POU2F1: variants seen among roughly 807,000 people sequenced by gnomAD.
POU2F1 encodes POU domain, class 2, transcription factor 1.
Under a neutral mutation model 84.9 loss-of-function variants are expected in POU2F1, and 16 were observed. That is an observed-to-expected ratio of 0.19 (90% confidence interval 0.13 to 0.29). The LOEUF (loss-of-function observed/expected upper bound fraction) is 0.29. POU2F1 is among the 10% of genes least tolerant of loss of function. The pLI, the probability that POU2F1 is intolerant of heterozygous loss-of-function variation, is 1.00. For missense variants in POU2F1, 738 were observed against 942.6 expected, an observed-to-expected ratio of 0.78 and a Z score of 2.84; for synonymous variants, 368 against 368.3, an observed-to-expected ratio of 1.00 and a Z score of 0.01.
chr1:167,325,675 A>T (rs1192512356), intron 1 of POU2F1, among the ~76,000 whole-genome samples: 1 of 152,088 alleles, frequency 6.6e-6, no homozygotes, highest in East Asian at 1.9e-4. Flanking sequence ...GCGAATCACG[A>T]GGTCAGGAGT....
In POU2F1 at chr1:167,399,258, G is replaced by A; in HGVS notation, c.1342G>A (p.Val448Ile). 1 of 1,614,014 alleles carries A rather than the reference G, an allele frequency of 6.2e-7. No homozygotes were observed. Among genetic ancestry groups the A allele is most frequent in the Non-Finnish European group, 8.5e-7 (1 of 1,179,960 alleles). ...CAATATGGAAAAAGAGGTGATTCGTGTTTGGTTCTGTAACCGCCGCCAGAA... is the reference window on the plus strand; with the variant it reads ...CAATATGGAAAAAGAGGTGATTCGTATTTGGTTCTGTAACCGCCGCCAGAA... ...QLNMEKEVIRVWFCNRRQKEK... is the reference protein window; with the variant it reads ...QLNMEKEVIRIWFCNRRQKEK... Residue 448 changes from valine to isoleucine, a missense_variant, in exon 12 of 16, where the codon GTT becomes ATT. Physicochemically the swap from Val to Ile is conservative, Grantham distance 29. This residue lies in a region of POU2F1 where 95 missense variants were observed against 195.1 expected (regional missense o/e 0.49). Coordinates refer to ENST00000367866, the MANE Select transcript of POU2F1 (RefSeq NM_002697.4).
Position 167,417,289 on chromosome 1 carries a change from C to G in POU2F1, c.*1479C>G, listed in dbSNP as rs1650373777. ...AGAAGGACTTTGAGCAGGAACTTTG[C>G]ACACACCTTAAGTGTCTCCTTGGTT... is the stretch of plus-strand genomic sequence containing the variant. On this transcript the variant is annotated 3_prime_UTR_variant, in exon 16 of 16. Transcript: ENST00000367866. 6.6e-6 allele frequency: 1 copy of G among 152,214 alleles called. No homozygotes were observed. The highest frequency in any genetic ancestry group is 1.5e-5 in the Non-Finnish European group (1 of 68,036). The allele number at this position is 152,214 out of a possible 1,614,324, so 9.4% of individuals were successfully genotyped here.
At chr1:167,221,138 G>A (rs1366301010) in intron 1 of POU2F1, among the ~76,000 whole-genome samples, 180 bp downstream of exon 1, 1 of 151,456 alleles carries the variant, frequency 6.6e-6, no homozygotes, top group Non-Finnish European at 1.5e-5. Context: ...AAAGAGGCTC[G>A]GAGCGGCCAG....
At position 167,374,259 on chromosome 1, in the gene POU2F1, C is replaced by T. The variant is rs1273176125; in HGVS notation, c.554C>T (p.Thr185Met). ...TCCGCCTCTGCTGCCACGCCCATGA[C>T]GCAGATCCCCCTGTCTCAGCCCATA... ...TISASAATPMTQIPLSQPIQI... is the reference protein window; with the variant it reads ...TISASAATPMMQIPLSQPIQI... The change falls in exon 6 of 16, where the codon ACG (threonine) becomes ATG (methionine). Residue 185 changes from threonine (T) to methionine (M), a missense_variant. Physicochemically the swap from Thr to Met is moderately conservative, Grantham distance 81 (BLOSUM62 -1). Coordinates refer to ENST00000367866, the MANE Select transcript of POU2F1 (RefSeq NM_002697.4). 4.3e-6 allele frequency: 7 copies of T among 1,613,102 alleles called. No individual in the cohort carries two copies. Among genetic ancestry groups the T allele is most frequent in the South Asian group, 1.1e-5 (1 of 90,978 alleles).
rs1263316922 is a variant in POU2F1, at chr1:167,418,282, A to G, written c.*2472A>G. ...TATCCTCTGGGCAGACATTAACTTGATGTTTAACTAGTTTATTAGGTTGGT... is the reference window on the plus strand; with the variant it reads ...TATCCTCTGGGCAGACATTAACTTGGTGTTTAACTAGTTTATTAGGTTGGT... On this transcript the variant is annotated 3_prime_UTR_variant, in exon 16 of 16. Transcript: ENST00000367866. 2.0e-5 allele frequency: 3 copies of G among 152,208 alleles called. No individual in the cohort carries two copies. The highest frequency in any genetic ancestry group is 4.4e-5 in the Non-Finnish European group (3 of 68,034). 9.4% of individuals were successfully genotyped at this position (152,208 alleles called of 1,614,324 possible).
chr1:167,272,772 G>A (rs1249443136), intron 1 of POU2F1, among the ~76,000 whole-genome samples: 1 of 152,088 alleles, frequency 6.6e-6, no homozygotes, highest in African/African-American at 2.4e-5. Flanking sequence ...AGATTTGGGT[G>A]GGGACACAAA....
rs1218354445 is a variant in POU2F1, at chr1:167,332,553, T to C, written c.127+18T>C. The stretch of plus-strand genomic sequence containing the variant: ...CAACACAGGTAAGAGTTTTCTGATC[T>C]AGCTTTTTAATTAACTCTAGTAGAG... On this transcript the variant is annotated intron_variant, in intron 2 of 15. Coordinates refer to ENST00000367866, the MANE Select transcript of POU2F1 (RefSeq NM_002697.4). The C allele has an allele frequency of 6.4e-7, 1 of 1,572,486 alleles. No individual in the cohort carries two copies. The highest frequency in any genetic ancestry group is 8.8e-7 in the Non-Finnish European group (1 of 1,142,692).
chr1:167,383,056 T>C lies in POU2F1; in HGVS notation c.719-801T>C, dbSNP rs75669213. On this transcript the variant is annotated intron_variant, in intron 7 of 15. Transcript: ENST00000367866. ...CAAAAGAAAATGGTAAAATCCCTTT[T>C]GTTTGGTGTGCTTTGTCGAATACTT... is the stretch of plus-strand genomic sequence containing the variant. Among the ~76,000 whole-genome samples, 331 of 152,338 alleles carry C rather than the reference T, an allele frequency of 2.2e-3. 9 individuals carry two copies. The East Asian group carries it at 0.059, about 27-fold the overall frequency.
chr1:167,385,038 A>G (rs1647859945), intron 8 of POU2F1, among the ~76,000 whole-genome samples: 1 of 152,138 alleles, frequency 6.6e-6, no homozygotes, highest in South Asian at 2.1e-4. Flanking sequence ...AATCATTTAC[A>G]TTTCTATACA....
At chr1:167,237,233 A>T (rs1364066658) in intron 1 of POU2F1, among the ~76,000 whole-genome samples, 19 of 152,230 alleles carry the variant, frequency 1.2e-4, no homozygotes, top group Admixed American at 1.2e-3. Context: ...GAGGCTATCT[A>T]ACGAGAACAT....
chr1:167,271,786 A>G (rs1424641679), intron 1 of POU2F1, among the ~76,000 whole-genome samples: 3 of 152,234 alleles, frequency 2.0e-5, no homozygotes, highest in Non-Finnish European at 4.4e-5. Context: ...ATTGGAAATA[A>G]TGTAGGAATA....
intron 2 of POU2F1, among the ~76,000 whole-genome samples, chr1:167,339,821 A>G (rs997019748): frequency 1.3e-5 from 2 of 152,252 alleles, no homozygotes; most frequent in Non-Finnish European, 2.9e-5. Flanking sequence ...AATTTACTAT[A>G]AAGTAGTAAT....
intron 1 of POU2F1, among the ~76,000 whole-genome samples, chr1:167,232,358 G>A (rs771826289): frequency 6.6e-6 from 1 of 152,080 alleles, no homozygotes; most frequent in African/African-American, 2.4e-5. Flanking sequence ...GACCCTGTGT[G>A]GGCCTAGGCT....
chr1:167,311,990 G>A (rs1429172433), intron 1 of POU2F1, among the ~76,000 whole-genome samples: 2 of 151,480 alleles, frequency 1.3e-5, no homozygotes, highest in African/African-American at 4.9e-5. Flanking sequence ...TGTTTCCCAG[G>A]CTGGCGCACT....
intron 15 of POU2F1, chr1:167,414,459 A>G: frequency 1.0e-6 from 1 of 985,432 alleles, no homozygotes; most frequent in Non-Finnish European, 1.2e-6. Context: ...CTTCAGCTAT[A>G]TTTTATGTAA....
At chr1:167,246,055 A>G (rs1650296523) in intron 1 of POU2F1, among the ~76,000 whole-genome samples, 1 of 152,250 alleles carries the variant, frequency 6.6e-6, no homozygotes, top group Non-Finnish European at 1.5e-5. Context: ...GATGTCAGTT[A>G]AACTGTATTG....
At chr1:167,363,428 G>A (rs1355513886) in intron 2 of POU2F1, among the ~76,000 whole-genome samples, 1 of 152,028 alleles carries the variant, frequency 6.6e-6, no homozygotes, top group Non-Finnish European at 1.5e-5. Flanking sequence ...ATATAATGCT[G>A]TACTATCTTA....
intron 1 of POU2F1, among the ~76,000 whole-genome samples, chr1:167,268,082 A>G (rs982140225): frequency 6.6e-6 from 1 of 152,128 alleles, no homozygotes; most frequent in Non-Finnish European, 1.5e-5. Context: ...CTGGGAAATC[A>G]CTTAGATATT....
intron 9 of POU2F1, among the ~76,000 whole-genome samples, chr1:167,392,882 A>G (rs757675750): frequency 3.9e-5 from 6 of 152,176 alleles, no homozygotes; most frequent in African/African-American, 4.8e-5. Flanking sequence ...TCTGTGTCCA[A>G]TTTATTTATA....
Sources: allele counts gnomAD v4.1 joint callset (sites outside exome capture counted in the v4.1 genomes callset), GRCh38; gene constraint gnomAD v4.1.1; regional missense constraint gnomAD v4.1.1; transcripts MANE v1.5; gene names NCBI Gene and HGNC (gene_info 2026-07-23, HGNC 2026-07-21).